Variants in DLD observed in about 807,000 individuals in gnomAD.
DLD encodes dihydrolipoyl dehydrogenase, mitochondrial.
DLD carries 36 observed loss-of-function variants against 62.2 expected under a neutral mutation model. That is an observed-to-expected ratio of 0.58 (90% CI 0.44 to 0.76). DLD has a LOEUF of 0.76. Ranked by LOEUF, DLD falls within the 30% of genes least tolerant of loss-of-function variation. The pLI, the probability that DLD is intolerant of heterozygous loss-of-function variation, is 0.00. For missense variants in DLD, 541 were observed against 608.6 expected, an observed-to-expected ratio of 0.89 and a Z score of 1.17; for synonymous variants, 204 against 199.6, an observed-to-expected ratio of 1.02 and a Z score of -0.19.
At chr7:107,906,810 CCAT>C (rs2032019341) in intron 8 of DLD, among the ~76,000 whole-genome samples, 1 of 152,116 alleles carries the variant, frequency 6.6e-6, no homozygotes, top group South Asian at 2.1e-4. Flanking sequence ...TCTTTGAACA[CCAT>C]GTTATTTTAG....
intron 7 of DLD, 73 bp from the exon 8 acceptor site, chr7:107,906,194 C>A: frequency 1.1e-6 from 1 of 902,560 alleles, no homozygotes; most frequent in Non-Finnish European, 1.8e-6. Context: ...AATTTGGAAC[C>A]CATGGATATG....
chr7:107,902,424 T>C, intron 4 of DLD, 31 bp downstream of exon 4: 1 of 1,600,530 alleles, frequency 6.2e-7, no homozygotes, highest in Non-Finnish European at 8.6e-7. Context: ...GCACAGAGAT[T>C]GTTTTTGGCT....
At chr7:107,904,651 C>G in intron 5 of DLD, 1 of 487,284 alleles carries the variant, frequency 2.1e-6, no homozygotes, top group South Asian at 1.6e-5. Context: ...TTTCTACTTA[C>G]ATATCTTCCA....
At chr7:107,904,805 T>C in intron 5 of DLD, 153 bp from the exon 6 acceptor site, 1 of 687,782 alleles carries the variant, frequency 1.5e-6, no homozygotes, top group Non-Finnish European at 2.7e-6. Flanking sequence ...TGTTGGCCTT[T>C]TGTCAACTAT....
chr7:107,891,341 G>T, intron 1 of DLD, 52 bp downstream of exon 1: 8 of 1,603,526 alleles, frequency 5.0e-6, no homozygotes, highest in South Asian at 1.1e-5. Flanking sequence ...GGAAGGTCCC[G>T]CTCAGTGGGT....
At chr7:107,903,725 C>G in intron 5 of DLD, 178 bp downstream of exon 5, 1 of 479,180 alleles carries the variant, frequency 2.1e-6, no homozygotes, top group Non-Finnish European at 3.8e-6. Context: ...ATCCAGATTT[C>G]TCCCAGCCAA....
chr7:107,918,010 C>A lies in DLD; in HGVS notation c.1323C>A (p.Ile441=). The change falls in exon 12 of 14, where the codon ATC becomes ATA. Residue 441 remains isoleucine (I), a synonymous_variant. Transcript: ENST00000205402. ...TNADTDGMVK[I]LGQKSTDRVL... is the part of the protein sequence containing the mutation. ...CTGACACAGATGGCATGGTGAAGAT[C>A]CTTGGGCAGAAATCGACAGACAGAG... 2 of 1,614,034 alleles carry A rather than the reference C, an allele frequency of 1.2e-6. No homozygotes were observed. Among genetic ancestry groups the A allele is most frequent in the Non-Finnish European group, 1.7e-6 (2 of 1,179,948 alleles).
At chr7:107,915,101 A>G (rs1244389351) in intron 8 of DLD, among the ~76,000 whole-genome samples, 3 of 152,200 alleles carry the variant, frequency 2.0e-5, no homozygotes, top group African/African-American at 7.2e-5. Flanking sequence ...CAAACGTGCT[A>G]TTTAAAATTG....
rs1207761954 is a variant in DLD, at chr7:107,891,728, C to G, written c.39+439C>G. The G allele has an allele frequency of 6.9e-4, 179 of 257,664 alleles. 2 individuals are homozygous for G. Among genetic ancestry groups the G allele is most frequent in the Non-Finnish European group, 1.8e-4 (23 of 130,412 alleles). 16.0% of individuals were successfully genotyped at this position (257,664 alleles called of 1,614,324 possible). A position where few individuals can be genotyped will look rare whatever the true frequency, so the allele number is the denominator to read the frequency against. On this transcript the variant is annotated intron_variant, in intron 1 of 13. Coordinates refer to ENST00000205402, the MANE Select transcript of DLD (RefSeq NM_000108.5). ...TGCAGTGGGCAGGTAACCCTGGGGT[C>G]ACTTCTTGAATGGTTTAGATCCAGT... is the stretch of plus-strand genomic sequence containing the variant.
rs1321577659 is a variant in DLD, at chr7:107,920,855, T to G, written c.*1596T>G. The G allele has an allele frequency of 6.6e-6, 1 of 152,292 alleles. No individual in the cohort carries two copies. The highest frequency in any genetic ancestry group is 2.4e-5 in the African/African-American group (1 of 41,464). 9.4% of individuals were successfully genotyped at this position (152,292 alleles called of 1,614,324 possible). A position where few individuals can be genotyped will look rare whatever the true frequency, so the allele number is the denominator to read the frequency against. On this transcript the variant is annotated 3_prime_UTR_variant, in exon 14 of 14. Coordinates refer to ENST00000205402, the MANE Select transcript of DLD (RefSeq NM_000108.5). ...CTTGTTTATAGTTGTTTCCAGTGCC[T>G]TTAGTTTTTTCTAAAATATATTTGT...
At chr7:107,917,509 A>G (rs755184612) in intron 11 of DLD, 47 bp downstream of exon 11, 1 of 1,562,244 alleles carries the variant, frequency 6.4e-7, no homozygotes, top group African/African-American at 1.4e-5. Context: ...GAGTTGTGCC[A>G]ATGACATTGG....
At chr7:107,892,844 G>A (rs1039475053) in intron 1 of DLD, among the ~76,000 whole-genome samples, 2 of 152,124 alleles carry the variant, frequency 1.3e-5, no homozygotes, top group Admixed American at 6.6e-5. Flanking sequence ...CACCACGGCC[G>A]GCTCAGAGCT....
intron 1 of DLD, chr7:107,891,492 T>G (rs2031572813): frequency 1.5e-6 from 1 of 645,366 alleles, no homozygotes. Flanking sequence ...GGGACGGGGC[T>G]GGGCCCAGGC....
chr7:107,903,040 T>C (rs1020151872), intron 4 of DLD, among the ~76,000 whole-genome samples: 4 of 151,572 alleles, frequency 2.6e-5, no homozygotes, highest in Non-Finnish European at 1.5e-5. Context: ...TGTGGAATAA[T>C]TTAGTCAAGT....
At chr7:107,904,621 G>C in intron 5 of DLD, 1 of 445,924 alleles carries the variant, frequency 2.2e-6, no homozygotes, top group South Asian at 1.7e-5. Context: ...TAAAATTTCA[G>C]ATGATGTTTT....
At chr7:107,918,384 AC>A (rs1217953866) in intron 12 of DLD, among the ~76,000 whole-genome samples, 1 of 151,952 alleles carries the variant, frequency 6.6e-6, no homozygotes. Context: ...TACTTCTCTG[AC>A]CTCTTCTTTT....
At chr7:107,893,472 T>C in intron 2 of DLD, 194 bp downstream of exon 2, 1 of 439,868 alleles carries the variant, frequency 2.3e-6, no homozygotes, top group South Asian at 4.8e-5. Context: ...AACCCTGCTC[T>C]TATGAAACTT....
At chr7:107,891,591 T>G (rs2031576850) in intron 1 of DLD, 13 of 561,882 alleles carry the variant, frequency 2.3e-5, no homozygotes, top group African/African-American at 3.8e-5. Flanking sequence ...CGGTCACACA[T>G]AGGCCTCTAC....
chr7:107,918,662 T>C (rs2032328447), intron 12 of DLD, among the ~76,000 whole-genome samples: 1 of 152,222 alleles, frequency 6.6e-6, no homozygotes, highest in African/African-American at 2.4e-5. Context: ...ATAATGAGAA[T>C]AGAATATTTG....
Sources: allele counts gnomAD v4.1 joint callset (sites outside exome capture counted in the v4.1 genomes callset), GRCh38; gene constraint gnomAD v4.1.1; transcripts MANE v1.5; gene names NCBI Gene and HGNC (gene_info 2026-07-23, HGNC 2026-07-21).